The following STK11 variants were observed in gnomAD, a reference collection of about 807,000 sequenced individuals.
STK11 encodes the protein serine/threonine-protein kinase STK11.
A neutral mutation model predicts 47.3 loss-of-function variants in STK11; 8 were observed. The ratio of observed to expected loss-of-function variants is 0.17; its 90% CI spans 0.10 to 0.31. The LOEUF (loss-of-function observed/expected upper bound fraction) is 0.31, where lower values mean the gene tolerates loss of function less well. STK11 is among the 10% of genes least tolerant of loss of function. STK11 has a pLI of 1.00. For synonymous variants in STK11, 330 were observed against 255.8 expected (o/e 1.29, Z -2.77); for missense variants, 475 against 605.0 (o/e 0.79, Z 2.25).
In STK11 at chr19:1,222,013, G is replaced by T. The variant is rs2075607; in HGVS notation, c.920+7G>T. 2.0e-5 allele frequency: 31 copies of T among 1,565,288 alleles called. No homozygotes were observed. Among genetic ancestry groups the T allele is most frequent in the Non-Finnish European group, 2.5e-5 (29 of 1,155,820 alleles). On this transcript the variant is annotated splice_region_variant and intron_variant, in intron 7 of 9. Coordinates refer to ENST00000326873, the MANE Select transcript of STK11 (RefSeq NM_000455.5). ...GGCAGATCCGGCAGCACAGGTGAGCGGCCCCTGGGGGCAGTGGGGCCGAGG... is the reference window on the plus strand; with the variant it reads ...GGCAGATCCGGCAGCACAGGTGAGCTGCCCCTGGGGGCAGTGGGGCCGAGG...
intron 1 of STK11, among the ~76,000 whole-genome samples, chr19:1,210,711 A>T (rs1464151149): frequency 6.6e-6 from 1 of 151,512 alleles, no homozygotes; most frequent in East Asian, 1.9e-4. Flanking sequence ...AAAAATACAA[A>T]ATTAGCTGAG....
chr19:1,218,579 T>A, intron 2 of STK11, 79 bp downstream of exon 2: 2 of 1,227,630 alleles, frequency 1.6e-6, no homozygotes, highest in South Asian at 2.4e-5. Flanking sequence ...CGAGGCCTGC[T>A]CCTCTTCCCG....
At position 1,218,444 on chromosome 19, in the gene STK11, G is replaced by A. The variant is rs777784520; in HGVS notation, c.318G>A (p.Arg106=). Reference sequence around the variant, plus strand: ...AAATTCAACTACTGAGGAGGTTACGGCACAAAAATGTCATCCAGCTGGTGG... The same window carrying A: ...AAATTCAACTACTGAGGAGGTTACGACACAAAAATGTCATCCAGCTGGTGG... ...KKEIQLLRRL[R]HKNVIQLVDV... The change falls in exon 2 of 10, where the codon CGG becomes CGA. Residue 106 remains arginine (R), a synonymous_variant. Coordinates refer to ENST00000326873, the MANE Select transcript of STK11 (RefSeq NM_000455.5). 2.5e-6 allele frequency: 4 copies of A among 1,613,522 alleles called. No homozygotes were observed. The Admixed American group carries it at 6.7e-5, about 27-fold the overall frequency.
At chr19:1,223,202 C>G (rs373108459) in intron 8 of STK11, 30 bp downstream of exon 8, 1 of 1,594,640 alleles carries the variant, frequency 6.3e-7, no homozygotes, top group Non-Finnish European at 8.5e-7. Context: ...CTGCCCGGCT[C>G]TGCTGACTCG....
intron 7 of STK11, 98 bp from the exon 8 acceptor site, chr19:1,222,887 G>T: frequency 7.3e-7 from 1 of 1,367,348 alleles, no homozygotes; most frequent in South Asian, 1.4e-5. Context: ...CAGCTCCTGA[G>T]TGTGTGGCAG....
intron 1 of STK11, among the ~76,000 whole-genome samples, chr19:1,211,426 G>A (rs938618634): frequency 5.3e-5 from 8 of 151,568 alleles, no homozygotes; most frequent in African/African-American, 1.9e-4. Context: ...GGACAGCACG[G>A]CTAGCTGCTG....
intron 1 of STK11, among the ~76,000 whole-genome samples, chr19:1,207,525 C>A (rs564285900): frequency 1.1e-3 from 172 of 152,350 alleles, no homozygotes; most frequent in African/African-American, 3.7e-3. Flanking sequence ...TTGGCTCCCC[C>A]AGCTGTCCAA....
intron 1 of STK11, among the ~76,000 whole-genome samples, chr19:1,213,696 C>T (rs939630568): frequency 2.6e-5 from 4 of 152,238 alleles, no homozygotes; most frequent in African/African-American, 9.6e-5. Context: ...GGGCTGCTCC[C>T]GCCTCTGCCT....
At chr19:1,218,779 C>T (rs939301359) in intron 2 of STK11, among the ~76,000 whole-genome samples, 4 of 152,240 alleles carry the variant, frequency 2.6e-5, no homozygotes, top group African/African-American at 7.2e-5. Flanking sequence ...GGTGTAGCCA[C>T]GGTCTGCCTG....
rs531706339 is a variant in STK11 at position 1,206,853 on chromosome 19, G to A, written c.-61G>A. ...TGGAGAAGGGAAGTCGGAACACAAGGAAGGACCGCTCACCCGCGGACTCAG... is the reference window on the plus strand; with the variant it reads ...TGGAGAAGGGAAGTCGGAACACAAGAAAGGACCGCTCACCCGCGGACTCAG... On this transcript the variant is annotated 5_prime_UTR_variant, in exon 1 of 10. Transcript: ENST00000326873. The A allele has an allele frequency of 2.2e-5, 33 of 1,516,016 alleles. No homozygotes were observed. The East Asian group carries it at 5.7e-4, about 26-fold the overall frequency. 93.9% of individuals were successfully genotyped at this position (1,516,016 alleles called of 1,614,324 possible). A position where few individuals can be genotyped will look rare whatever the true frequency, so the allele number is the denominator to read the frequency against.
At chr19:1,220,533 G>T (rs2145424844) in intron 4 of STK11, 28 bp downstream of exon 4, 1 of 1,586,300 alleles carries the variant, frequency 6.3e-7, no homozygotes, top group South Asian at 1.1e-5. Flanking sequence ...GGGGCCCTGG[G>T]GCGCCCCCTC....
chr19:1,216,571 T>C (rs2080746106), intron 1 of STK11, among the ~76,000 whole-genome samples: 1 of 146,018 alleles, frequency 6.8e-6, no homozygotes, highest in Admixed American at 6.8e-5. Context: ...AGAGTGAGAC[T>C]CCGTCTCCAA....
chr19:1,225,212 C>T lies in STK11; in HGVS notation c.1109-1242C>T, dbSNP rs529109502. Reference sequence around the variant, plus strand: ...TCCACAGGGTCTGCCCCACCAGAGACGGGCTGGGCCCAAGCTCAGACCTAT... The same window carrying T: ...TCCACAGGGTCTGCCCCACCAGAGATGGGCTGGGCCCAAGCTCAGACCTAT... On this transcript the variant is annotated intron_variant, in intron 8 of 9. Transcript: ENST00000326873. The T allele has an allele frequency of 1.7e-5, 17 of 985,234 alleles. No homozygotes were observed. The East Asian group carries it at 8.0e-4, about 46-fold the overall frequency. 61.0% of individuals were successfully genotyped at this position (985,234 alleles called of 1,614,324 possible).
chr19:1,224,911 C>T (rs1568714544), intron 8 of STK11: 3 of 985,640 alleles, frequency 3.0e-6, no homozygotes, highest in African/African-American at 3.5e-5. Flanking sequence ...TGAGCCCCGT[C>T]CCTGACCTGC....
intron 3 of STK11, 92 bp from the exon 4 acceptor site, chr19:1,220,281 T>C: frequency 1.4e-6 from 2 of 1,479,840 alleles, no homozygotes; most frequent in East Asian, 2.5e-5. Context: ...GCTGGGCCTG[T>C]GGTGTTTGGG....
At chr19:1,210,350 G>A (rs958643683) in intron 1 of STK11, among the ~76,000 whole-genome samples, 2 of 152,186 alleles carry the variant, frequency 1.3e-5, no homozygotes, top group Admixed American at 1.3e-4. Context: ...CTCGCAGCGA[G>A]TGTCTGGAAC....
intron 2 of STK11, among the ~76,000 whole-genome samples, chr19:1,218,959 G>A (rs557363183): frequency 6.1e-4 from 93 of 152,200 alleles, no homozygotes; most frequent in Non-Finnish European, 1.2e-3. Flanking sequence ...CCTGAGGCTG[G>A]GGCTGTGTTC....
intron 3 of STK11, chr19:1,219,901 C>T (rs1452343398): frequency 5.2e-6 from 1 of 192,224 alleles, no homozygotes; most frequent in African/African-American, 2.4e-5. Flanking sequence ...GTGGCATCCA[C>T]AGGCAGGGCT....
rs786201344 is a variant in STK11, at chr19:1,220,472, C to T, written c.564C>T (p.Gly188=). The T allele has an allele frequency of 6.2e-7, 1 of 1,607,146 alleles. No homozygotes were observed. Among genetic ancestry groups the T allele is most frequent in the Non-Finnish European group, 8.5e-7 (1 of 1,177,284 alleles). ...KPGNLLLTTG[G]TLKISDLGVA... ...GGAACCTGCTGCTCACCACCGGTGG[C>T]ACCCTCAAAATCTCCGACCTGGGCG... The change falls in exon 4 of 10, where the codon GGC becomes GGT. Residue 188 remains glycine, a synonymous_variant. Coordinates refer to ENST00000326873, the MANE Select transcript of STK11 (RefSeq NM_000455.5).
Sources: allele counts gnomAD v4.1 joint callset (sites outside exome capture counted in the v4.1 genomes callset), GRCh38; gene constraint gnomAD v4.1.1; transcripts MANE v1.5; gene names NCBI Gene and HGNC (gene_info 2026-07-23, HGNC 2026-07-21).